The following LRRC4C variants were observed in gnomAD, a reference collection of about 807,000 sequenced individuals.
LRRC4C encodes leucine-rich repeat-containing protein 4C.
LRRC4C carries 5 observed loss-of-function variants against 33.6 expected under a neutral mutation model. That is an observed-to-expected ratio of 0.15 (90% CI 0.08 to 0.31). The LOEUF is 0.31. LRRC4C is among the 10% of genes least tolerant of loss of function. The pLI is 1.00. For synonymous variants in LRRC4C, 329 were observed against 302.0 expected, an observed-to-expected ratio of 1.09 and a Z score of -0.93; for missense variants, 560 against 796.7, an observed-to-expected ratio of 0.70 and a Z score of 3.58.
intron 1 of LRRC4C, among the ~76,000 whole-genome samples, chr11:41,225,592 A>T (rs1159146403): frequency 2.0e-5 from 3 of 152,134 alleles, no homozygotes; most frequent in Non-Finnish European, 2.9e-5. Flanking sequence ...TGAGCCCAGG[A>T]GTTCGAGACT....
intron 1 of LRRC4C, among the ~76,000 whole-genome samples, chr11:41,193,112 G>A (rs934752420): frequency 1.3e-5 from 2 of 152,106 alleles, no homozygotes; most frequent in African/African-American, 4.8e-5. Flanking sequence ...AAGACTTGAA[G>A]AGAAAATATA....
chr11:41,247,786 T>C (rs1196983651), intron 1 of LRRC4C, among the ~76,000 whole-genome samples: 1 of 152,216 alleles, frequency 6.6e-6, no homozygotes, highest in Non-Finnish European at 1.5e-5. Flanking sequence ...GGCTGAGTTG[T>C]AGTAAATTTA....
At position 40,566,955 on chromosome 11, in the gene LRRC4C, T is replaced by C. The variant is rs995189468; in HGVS notation, c.-270+81187A>G. Among the ~76,000 whole-genome samples the C allele has an allele frequency of 1.6e-4, 24 of 152,262 alleles. 1 individual carries two copies. Among genetic ancestry groups the C allele is most frequent in the South Asian group, 2.1e-4 (1 of 4,824 alleles). On this transcript the variant is annotated intron_variant, in intron 3 of 6. Coordinates refer to ENST00000528697, the MANE Select transcript of LRRC4C (RefSeq NM_001258419.2). ...ACAAACACAGAGATCTTAGGTCATT[T>C]ATACTAGTCATCTGTTTGCTTAGTA...
intron 2 of LRRC4C, among the ~76,000 whole-genome samples, chr11:40,815,980 G>T (rs963017298): frequency 6.6e-6 from 1 of 152,074 alleles, no homozygotes; most frequent in African/African-American, 2.4e-5. Flanking sequence ...GCGATTTCAC[G>T]AAGTGAGTAA....
intron 1 of LRRC4C, among the ~76,000 whole-genome samples, chr11:41,303,487 G>A (rs372785223): frequency 3.1e-5 from 4 of 131,146 alleles, no homozygotes; most frequent in African/African-American, 1.1e-4. Flanking sequence ...TGCCGAGATT[G>A]CAGCCTCTGC....
chr11:41,301,971 T>C (rs2137083274), intron 1 of LRRC4C, among the ~76,000 whole-genome samples: 1 of 152,340 alleles, frequency 6.6e-6, no homozygotes, highest in South Asian at 2.1e-4. Context: ...TTATTGACAT[T>C]TGACAGTACA....
intron 2 of LRRC4C, among the ~76,000 whole-genome samples, chr11:40,833,022 C>A (rs1952489984): frequency 6.6e-6 from 1 of 152,096 alleles, no homozygotes; most frequent in African/African-American, 2.4e-5. Flanking sequence ...ATTGAATTAA[C>A]CTATTTTAAG....
At chr11:40,669,054 A>G (rs1012751622) in intron 2 of LRRC4C, among the ~76,000 whole-genome samples, 1 of 152,174 alleles carries the variant, frequency 6.6e-6, no homozygotes, top group African/African-American at 2.4e-5. Flanking sequence ...TAGGTTTTCT[A>G]TTCTGGGTAG....
At chr11:40,334,665 T>C (rs1452094923) in intron 3 of LRRC4C, among the ~76,000 whole-genome samples, 3 of 152,156 alleles carry the variant, frequency 2.0e-5, no homozygotes, top group African/African-American at 7.2e-5. Context: ...AATATATACA[T>C]ACATATGCAT....
intron 2 of LRRC4C, among the ~76,000 whole-genome samples, chr11:40,659,911 G>A (rs904558924): frequency 6.6e-6 from 1 of 152,190 alleles, no homozygotes; most frequent in Non-Finnish European, 1.5e-5. Context: ...GTACCAAATG[G>A]TGGGACTGAA....
Position 40,519,961 on chromosome 11 carries a change from G to A in LRRC4C, c.-270+128181C>T, listed in dbSNP as rs542837748. Reference sequence around the variant, plus strand: ...AAACAGCATTCTATTGGCAGGAAATGCCATCTAGGACTTTCATGATACAGA... The same window carrying A: ...AAACAGCATTCTATTGGCAGGAAATACCATCTAGGACTTTCATGATACAGA... On this transcript the variant is annotated intron_variant, in intron 3 of 6. Coordinates refer to ENST00000528697, the MANE Select transcript of LRRC4C (RefSeq NM_001258419.2). 1.6e-4 allele frequency among the ~76,000 whole-genome samples: 24 copies of A among 152,264 alleles called. 1 individual carries two copies. The South Asian group carries it at 4.1e-3, about 26-fold the overall frequency.
intron 4 of LRRC4C, among the ~76,000 whole-genome samples, chr11:40,280,211 C>A (rs754378421): frequency 7.8e-4 from 119 of 152,244 alleles, no homozygotes; most frequent in African/African-American, 2.4e-3. Context: ...CCCAGAGGAA[C>A]CTTACAATGA....
intron 3 of LRRC4C, among the ~76,000 whole-genome samples, chr11:40,505,461 C>T (rs1204818361): frequency 6.6e-6 from 1 of 152,176 alleles, no homozygotes; most frequent in Non-Finnish European, 1.5e-5. Context: ...TGAAGGAAAC[C>T]TCTTGCTGGG....
intron 1 of LRRC4C, among the ~76,000 whole-genome samples, chr11:40,991,652 G>A (rs1039406843): frequency 1.7e-4 from 26 of 152,286 alleles, no homozygotes; most frequent in African/African-American, 6.0e-4. Flanking sequence ...GTCCCATCTG[G>A]GGGTGATGGG....
chr11:40,678,623 T>C (rs1944527250), intron 2 of LRRC4C, among the ~76,000 whole-genome samples: 1 of 152,116 alleles, frequency 6.6e-6, no homozygotes, highest in Non-Finnish European at 1.5e-5. Context: ...GTTCTCATGA[T>C]AGTGAATGTT....
intron 2 of LRRC4C, among the ~76,000 whole-genome samples, chr11:40,796,998 G>C (rs544284903): frequency 1.2e-4 from 18 of 152,184 alleles, no homozygotes; most frequent in African/African-American, 3.6e-4. Context: ...TATAGAACTT[G>C]AGCAATATCT....
intron 1 of LRRC4C, among the ~76,000 whole-genome samples, chr11:41,226,088 C>T (rs956427084): frequency 6.6e-5 from 10 of 152,076 alleles, no homozygotes; most frequent in African/African-American, 9.7e-5. Flanking sequence ...ATAGCTTGTA[C>T]GAGTCTATTT....
chr11:40,664,596 A>C (rs1328719989), intron 2 of LRRC4C, among the ~76,000 whole-genome samples: 2 of 152,114 alleles, frequency 1.3e-5, no homozygotes, highest in African/African-American at 4.8e-5. Flanking sequence ...TGCAGAAATT[A>C]AAGAAAACAG....
intron 1 of LRRC4C, among the ~76,000 whole-genome samples, chr11:41,066,869 G>T (rs1469465242): frequency 2.6e-5 from 4 of 152,174 alleles, no homozygotes; most frequent in Non-Finnish European, 5.9e-5. Context: ...AATGCTGAGG[G>T]AATTCATCAC....
Sources: allele counts gnomAD v4.1 joint callset (sites outside exome capture counted in the v4.1 genomes callset), GRCh38; gene constraint gnomAD v4.1.1; transcripts MANE v1.5; gene names NCBI Gene and HGNC (gene_info 2026-07-23, HGNC 2026-07-21).